KYAT3: variants seen among roughly 807,000 people sequenced by gnomAD.
KYAT3 encodes the protein kynurenine aminotransferase 3.
In KYAT3, 50 loss-of-function variants were observed where a neutral mutation model predicts 59.0. The ratio of observed to expected loss-of-function variants is 0.85; its 90% confidence interval spans 0.68 to 1.07. The LOEUF (loss-of-function observed/expected upper bound fraction) is 1.07, where lower values mean the gene tolerates loss of function less well. Among genes scored for constraint, KYAT3 ranks in the 50% least tolerant of loss-of-function variants. The pLI is 0.00. For missense variants in KYAT3, 497 were observed against 533.3 expected (o/e 0.93, Z 0.67); for synonymous variants, 148 against 177.0 (o/e 0.84, Z 1.30).
At chr1:88,926,274 T>A in the KYAT3 span, among the ~76,000 whole-genome samples, 1 of 152,302 alleles carries the variant, frequency 6.6e-6, no homozygotes, top group South Asian at 2.1e-4. Flanking sequence ...GGGATTTAAA[T>A]CTTAATTACC....
chr1:88,955,586 G>A (rs376230978), intron 8 of KYAT3, among the ~76,000 whole-genome samples: 2 of 152,178 alleles, frequency 1.3e-5, no homozygotes, highest in Admixed American at 6.5e-5. Flanking sequence ...CTGCAGGTTC[G>A]ATAAAATAGG....
chr1:88,947,079 A>T (rs1431708736), intron 11 of KYAT3, among the ~76,000 whole-genome samples: 1 of 152,048 alleles, frequency 6.6e-6, no homozygotes, highest in African/African-American at 2.4e-5. Flanking sequence ...GCCTGAGACA[A>T]CCACCTCCTG....
chr1:88,930,259 A>C, the KYAT3 span, among the ~76,000 whole-genome samples: 2 of 152,220 alleles, frequency 1.3e-5, no homozygotes, highest in Non-Finnish European at 2.9e-5. Context: ...TCATGATGTG[A>C]ATGGCATACT....
downstream of KYAT3, among the ~76,000 whole-genome samples, chr1:88,934,972 G>T (rs966657007): frequency 1.3e-5 from 2 of 148,606 alleles, no homozygotes; most frequent in Non-Finnish European, 3.0e-5. Context: ...TGAAATTGTA[G>T]TAAGTTTAAA....
intron 1 of KYAT3, among the ~76,000 whole-genome samples, chr1:88,991,789 C>T (rs1677808720): frequency 6.6e-6 from 1 of 152,254 alleles, no homozygotes; most frequent in South Asian, 2.1e-4. Context: ...CGAAGTCAGA[C>T]TTGCTAAGGG....
chr1:88,938,318 C>T (rs1217388218), intron 13 of KYAT3, among the ~76,000 whole-genome samples: 4 of 152,128 alleles, frequency 2.6e-5, no homozygotes, highest in African/African-American at 9.7e-5. Flanking sequence ...ATATATTTTT[C>T]CAGAGATTTT....
intron 3 of KYAT3, 39 bp downstream of exon 3, chr1:88,969,370 A>C (rs1676463091): frequency 8.1e-7 from 1 of 1,231,368 alleles, no homozygotes; most frequent in Non-Finnish European, 1.2e-6. Context: ...AATATGTAGG[A>C]AACCCTCACT....
rs529124212 is a variant in KYAT3 at position 88,976,743 on chromosome 1, G to A, written c.100-7276C>T. ...AAGACCTTCCAGTGGGACAAGACGT[G>A]GAGGTAGAACACAGTGATACTGATG... On this transcript the variant is annotated intron_variant, in intron 2 of 13. Coordinates refer to ENST00000260508, the MANE Select transcript of KYAT3 (RefSeq NM_001008661.3). Among the ~76,000 whole-genome samples the A allele has an allele frequency of 7.9e-5, 12 of 152,274 alleles. 2 individuals are homozygous for A. Among genetic ancestry groups the A allele is most frequent in the African/African-American group, 2.9e-4 (12 of 41,558 alleles).
intron 8 of KYAT3, among the ~76,000 whole-genome samples, chr1:88,957,679 G>A (rs1396500690): frequency 6.6e-6 from 1 of 152,120 alleles, no homozygotes; most frequent in African/African-American, 2.4e-5. Context: ...AAATACTGTT[G>A]CATATCTTTA....
At chr1:88,927,675 TAGG>T in the KYAT3 span, among the ~76,000 whole-genome samples, 15 of 151,938 alleles carry the variant, frequency 9.9e-5, no homozygotes, top group Non-Finnish European at 1.6e-4. Context: ...CTCCAAGCAG[TAGG>T]AGGAGGAGAA....
chr1:88,959,640 A>G (rs1676067673), intron 8 of KYAT3, among the ~76,000 whole-genome samples: 1 of 151,890 alleles, frequency 6.6e-6, no homozygotes, highest in South Asian at 2.1e-4. Context: ...TAAAATTTCA[A>G]TAATCATTTA....
rs559342476 is a variant in KYAT3, at chr1:88,970,923, G to T, written c.100-1456C>A. Reference sequence around the variant, plus strand: ...GGGACCAAGAAAAATACCTTTTTTAGTGTCATATTTTGTCTTTGAAACTCC... The same window carrying T: ...GGGACCAAGAAAAATACCTTTTTTATTGTCATATTTTGTCTTTGAAACTCC... On this transcript the variant is annotated intron_variant, in intron 2 of 13. Coordinates refer to ENST00000260508, the MANE Select transcript of KYAT3 (RefSeq NM_001008661.3). Among the ~76,000 whole-genome samples the T allele has an allele frequency of 5.9e-5, 9 of 152,164 alleles. No individual in the cohort carries two copies. In the East Asian group the frequency reaches 1.7e-3, roughly 29 times the overall value.
chr1:88,971,109 GTCTATC>G (rs1264424376), intron 2 of KYAT3, among the ~76,000 whole-genome samples: 2 of 152,124 alleles, frequency 1.3e-5, no homozygotes, highest in African/African-American at 4.8e-5. Flanking sequence ...AAATGCTCTT[GTCTATC>G]TCTAACACAA....
At position 88,982,582 on chromosome 1, in the gene KYAT3, T is replaced by C. The variant is rs191035536; in HGVS notation, c.99+5670A>G. 1.8e-5 allele frequency: 27 copies of C among 1,517,500 alleles called. No homozygotes were observed. The African/African-American group carries it at 3.3e-4, about 19-fold the overall frequency. 94.0% of individuals were successfully genotyped at this position (1,517,500 alleles called of 1,614,324 possible). A position where few individuals can be genotyped will look rare whatever the true frequency, so the allele number is the denominator to read the frequency against. Reference sequence around the variant, plus strand: ...TTCCTTTTAGTAGTCCTTGGGTAGTTATGATAGAATAGTTTCCACTCTTTT... The same window carrying C: ...TTCCTTTTAGTAGTCCTTGGGTAGTCATGATAGAATAGTTTCCACTCTTTT... On this transcript the variant is annotated intron_variant, in intron 2 of 13. Transcript: ENST00000260508.
rs918625798 is a variant in KYAT3 at position 88,968,524 on chromosome 1, C to A, written c.303+146G>T. On this transcript the variant is annotated intron_variant, in intron 4 of 13. Coordinates refer to ENST00000260508, the MANE Select transcript of KYAT3 (RefSeq NM_001008661.3). ...CTCATCTCAGGACATAGGGCAAGGG[C>A]AGAAGTTTCTGTGGTTGCTAGGATG... is the stretch of plus-strand genomic sequence containing the variant. The A allele has an allele frequency of 1.8e-5, 10 of 567,996 alleles. No homozygotes were observed. The African/African-American group carries it at 2.0e-4, about 11-fold the overall frequency. 35.2% of individuals were successfully genotyped at this position (567,996 alleles called of 1,614,324 possible). A position where few individuals can be genotyped will look rare whatever the true frequency, so the allele number is the denominator to read the frequency against.
At chr1:88,935,549 C>T (rs1675002945), downstream of KYAT3, among the ~76,000 whole-genome samples, 1 of 152,170 alleles carries the variant, frequency 6.6e-6, no homozygotes, top group African/African-American at 2.4e-5. Context: ...AGGTGAACAT[C>T]ACCAGAGGTG....
chr1:88,959,897 T>C (rs1306694348), intron 8 of KYAT3, among the ~76,000 whole-genome samples: 1 of 150,856 alleles, frequency 6.6e-6, no homozygotes, highest in Admixed American at 6.6e-5. Flanking sequence ...ACATTTCTTA[T>C]TTTTATTTTT....
At chr1:88,921,623 GTATTAGTC>G in the KYAT3 span, among the ~76,000 whole-genome samples, 1 of 152,176 alleles carries the variant, frequency 6.6e-6, no homozygotes, top group Non-Finnish European at 1.5e-5. Context: ...TCATGTACCT[GTATTAGTC>G]AGGGTTCTCC....
chr1:88,982,780 G>A, intron 2 of KYAT3: 2 of 1,613,928 alleles, frequency 1.2e-6, no homozygotes, highest in African/African-American at 1.3e-5. Context: ...CTACAGAAGG[G>A]GGAAGCCCTC....
Sources: allele counts gnomAD v4.1 joint callset (sites outside exome capture counted in the v4.1 genomes callset), GRCh38; gene constraint gnomAD v4.1.1; transcripts MANE v1.5; gene names NCBI Gene and HGNC (gene_info 2026-07-23, HGNC 2026-07-21).